Variants in TENM3 observed in about 807,000 individuals in gnomAD.
The protein encoded by TENM3 is teneurin-3.
A neutral mutation model predicts 255.1 loss-of-function variants in TENM3; 63 were observed. The observed-to-expected ratio is 0.25, with a 90% confidence interval of 0.20 to 0.30. The LOEUF (loss-of-function observed/expected upper bound fraction) is 0.30, where lower values mean the gene tolerates loss of function less well. Among genes scored for constraint, TENM3 ranks in the 10% least tolerant of loss-of-function variants. The probability of loss-of-function intolerance (pLI) is 1.00; values close to 1 mark genes in which losing one functional copy is unlikely to be tolerated. For synonymous variants in TENM3, 1,306 were observed against 1,322.3 expected, an observed-to-expected ratio of 0.99 and a Z score of 0.27; for missense variants, 2,929 against 3,461.1, an observed-to-expected ratio of 0.85 and a Z score of 3.86.
At chr4:181,605,625 C>T in the TENM3 span, among the ~76,000 whole-genome samples, 3 of 149,454 alleles carry the variant, frequency 2.0e-5, no homozygotes, top group Non-Finnish European at 4.5e-5. Flanking sequence ...AAAGAAAGAA[C>T]AAGCAAACCA....
the TENM3 span, among the ~76,000 whole-genome samples, chr4:181,719,295 A>G: frequency 3.5e-3 from 528 of 152,292 alleles, 1 homozygote; most frequent in Non-Finnish European, 5.5e-3. Context: ...GATTCTCCTT[A>G]GAAAATCTGC....
chr4:182,446,220 C>G (rs1772901170), intron 3 of TENM3, among the ~76,000 whole-genome samples: 1 of 152,170 alleles, frequency 6.6e-6, no homozygotes, highest in African/African-American at 2.4e-5. Flanking sequence ...AGGATCCCAT[C>G]TTTGTCTAAT....
At chr4:182,449,126 C>G in intron 3 of TENM3, 1 of 213,124 alleles carries the variant, frequency 4.7e-6, no homozygotes, top group Non-Finnish European at 9.1e-6. Flanking sequence ...GGCGGGCTGG[C>G]GGAGCGCGGC....
the TENM3 span, among the ~76,000 whole-genome samples, chr4:181,692,264 C>T: frequency 6.6e-6 from 1 of 152,168 alleles, no homozygotes; most frequent in Non-Finnish European, 1.5e-5. Flanking sequence ...AAAAGAGTCA[C>T]TGTTGAATAA....
chr4:181,456,619 G>C, the TENM3 span, among the ~76,000 whole-genome samples: 1 of 151,818 alleles, frequency 6.6e-6, no homozygotes, highest in African/African-American at 2.4e-5. Context: ...GTGGAGATGG[G>C]CAATACTGGT....
the TENM3 span, among the ~76,000 whole-genome samples, chr4:181,478,303 G>T: frequency 6.6e-6 from 1 of 152,132 alleles, no homozygotes; most frequent in Admixed American, 6.5e-5. Flanking sequence ...TTTTGAAAAA[G>T]CTATAAAAAC....
At chr4:182,166,545 C>A (rs1446863970) in intron 1 of TENM3, among the ~76,000 whole-genome samples, 1 of 152,156 alleles carries the variant, frequency 6.6e-6, no homozygotes, top group Non-Finnish European at 1.5e-5. Flanking sequence ...CAAACTACAT[C>A]ACATTTAGCA....
the TENM3 span, among the ~76,000 whole-genome samples, chr4:181,871,516 A>G: frequency 6.6e-6 from 1 of 152,036 alleles, no homozygotes; most frequent in Non-Finnish European, 1.5e-5. Context: ...AAAGAGTTTT[A>G]CTTCATCTTT....
At chr4:181,699,442 C>CAAAAAAAAAAA in the TENM3 span, among the ~76,000 whole-genome samples, 264 of 44,054 alleles carry the variant, frequency 6.0e-3, 7 homozygotes, top group South Asian at 8.3e-3. Context: ...GACCCTGTCG[C>CAAAAAAAAAAA]AAAAAAAAAA....
intron 4 of TENM3, among the ~76,000 whole-genome samples, chr4:182,622,172 C>T (rs752714907): frequency 6.6e-6 from 1 of 151,818 alleles, no homozygotes; most frequent in Non-Finnish European, 1.5e-5. Context: ...CCAGCCTGGC[C>T]AACATGATGA....
the TENM3 span, among the ~76,000 whole-genome samples, chr4:181,644,920 A>C: frequency 0.1 from 15,348 of 152,138 alleles, 902 homozygotes; most frequent in East Asian, 0.18. Flanking sequence ...CTTTGTAGAA[A>C]GGCTGGGAGA....
At chr4:181,608,560 T>G in the TENM3 span, among the ~76,000 whole-genome samples, 1 of 152,216 alleles carries the variant, frequency 6.6e-6, no homozygotes, top group Non-Finnish European at 1.5e-5. Flanking sequence ...TTGGACCGGC[T>G]AATTTTATCA....
intron 1 of TENM3, among the ~76,000 whole-genome samples, chr4:182,221,399 A>C (rs910293072): frequency 7.9e-5 from 12 of 152,178 alleles, no homozygotes; most frequent in Admixed American, 2.6e-4. Flanking sequence ...TTGCTGTCCC[A>C]AAATGAAGAG....
At chr4:182,610,635 A>AT (rs1425658864) in intron 4 of TENM3, among the ~76,000 whole-genome samples, 1 of 152,008 alleles carries the variant, frequency 6.6e-6, no homozygotes, top group African/African-American at 2.4e-5. Context: ...ATGAGCTATG[A>AT]TCGCACCACT....
At chr4:182,329,914 T>C (rs1013515992) in intron 2 of TENM3, among the ~76,000 whole-genome samples, 1 of 152,076 alleles carries the variant, frequency 6.6e-6, no homozygotes, top group African/African-American at 2.4e-5. Flanking sequence ...CTAGAAAAAT[T>C]CTTTAACTTC....
intron 6 of TENM3, among the ~76,000 whole-genome samples, chr4:182,655,344 G>A (rs1217976733): frequency 6.6e-6 from 1 of 152,098 alleles, no homozygotes; most frequent in African/African-American, 2.4e-5. Context: ...GCTTATTATG[G>A]ATATTGTATT....
At chr4:181,826,696 C>A in the TENM3 span, among the ~76,000 whole-genome samples, 1 of 152,196 alleles carries the variant, frequency 6.6e-6, no homozygotes, top group Non-Finnish European at 1.5e-5. Context: ...CCTAGCTACA[C>A]ATTAGAATCA....
At chr4:181,916,792 G>A in the TENM3 span, among the ~76,000 whole-genome samples, 2 of 152,176 alleles carry the variant, frequency 1.3e-5, no homozygotes, top group Middle Eastern at 3.4e-3. Context: ...CAGGAGAATC[G>A]TTTGAACCTG....
chr4:182,189,635 C>T (rs985412343), intron 1 of TENM3, among the ~76,000 whole-genome samples: 1 of 152,110 alleles, frequency 6.6e-6, no homozygotes, highest in East Asian at 1.9e-4. Context: ...TTCGCCCCCA[C>T]ACATCTCAGA....
Sources: gnomAD v4.1 joint callset for allele counts (sites outside exome capture counted in the v4.1 genomes callset) on GRCh38, gnomAD v4.1.1 for gene constraint, MANE v1.5 for transcripts, NCBI Gene and HGNC (gene_info 2026-07-23, HGNC 2026-07-21) for gene names.